CDRT4: variants seen among roughly 807,000 people sequenced by gnomAD.
CDRT4 encodes CMT1A duplicated region transcript 4 protein.
For synonymous variants in CDRT4, 64 were observed against 69.6 expected, an observed-to-expected ratio of 0.92 and a Z score of 0.40; for missense variants, 167 against 193.1, an observed-to-expected ratio of 0.87 and a Z score of 0.80.
chr17:15,460,153 C>T (rs1488939606), intron 1 of CDRT4, among the ~76,000 whole-genome samples: 1 of 152,186 alleles, frequency 6.6e-6, no homozygotes, highest in Non-Finnish European at 1.5e-5. Flanking sequence ...CCTCAACCTA[C>T]CTCATTCAAA....
intron 3 of CDRT4, chr17:15,439,048 A>G (rs1004032089): frequency 6.2e-5 from 28 of 452,732 alleles, no homozygotes; most frequent in African/African-American, 4.4e-4. Flanking sequence ...CTGTTCCTTT[A>G]CAGATCCAAA....
chr17:15,466,167 G>A (rs557868799), intron 1 of CDRT4, among the ~76,000 whole-genome samples: 9 of 152,342 alleles, frequency 5.9e-5, no homozygotes, highest in African/African-American at 1.7e-4. Context: ...ACAAGTGACA[G>A]AGTCTGGATT....
At chr17:15,448,827 G>A (rs1211624142) in intron 2 of CDRT4, among the ~76,000 whole-genome samples, 6 of 152,088 alleles carry the variant, frequency 3.9e-5, no homozygotes, top group African/African-American at 1.4e-4. Flanking sequence ...GACAACTTGA[G>A]CCCCAGGCAC....
intron 1 of CDRT4, among the ~76,000 whole-genome samples, chr17:15,462,221 G>T (rs1979783828): frequency 1.3e-5 from 2 of 152,046 alleles, no homozygotes; most frequent in African/African-American, 2.4e-5. Context: ...GAGGTCAGGA[G>T]ATCGAGACCA....
At chr17:15,448,299 T>A (rs1280046655) in intron 2 of CDRT4, among the ~76,000 whole-genome samples, 1 of 152,186 alleles carries the variant, frequency 6.6e-6, no homozygotes, top group East Asian at 1.9e-4. Flanking sequence ...TCCCAGCCCA[T>A]AGCATGACCA....
chr17:15,437,813 C>G lies in CDRT4; in HGVS notation c.419G>C (p.Arg140Pro). 1.2e-6 allele frequency: 2 copies of G among 1,614,128 alleles called. No homozygotes were observed. The highest frequency in any genetic ancestry group is 1.7e-6 in the Non-Finnish European group (2 of 1,180,020). The change falls in exon 4 of 4, where the codon CGC (arginine) becomes CCC (proline). Residue 140 changes from arginine (R) to proline (P), a missense_variant. Coordinates refer to ENST00000619038, the MANE Select transcript of CDRT4 (RefSeq NM_001204477.2). ...TENYNKIIFA[R>P]KPMMRMLPTV... Reference sequence around the variant, plus strand: ...AGGGAGCATCCTCATCATAGGCTTGCGGGCAAAGATGATCTTGTTATAGTT... The same window carrying G: ...AGGGAGCATCCTCATCATAGGCTTGGGGGCAAAGATGATCTTGTTATAGTT...
intron 3 of CDRT4, 36 bp downstream of exon 3, chr17:15,440,172 T>C (rs1378405113): frequency 1.9e-6 from 3 of 1,613,070 alleles, no homozygotes; most frequent in South Asian, 1.1e-5. Context: ...ACGGCCCCAG[T>C]GCAGGAGCTT....
rs1978516320 is a variant in CDRT4, at chr17:15,436,919, G to C, written c.*854C>G. 6.6e-6 allele frequency: 1 copy of C among 152,192 alleles called. No individual in the cohort carries two copies. Among genetic ancestry groups the C allele is most frequent in the African/African-American group, 2.4e-5 (1 of 41,440 alleles). The allele number at this position is 152,192 out of a possible 1,614,324, so 9.4% of individuals were successfully genotyped here. A position where few individuals can be genotyped will look rare whatever the true frequency, so the allele number is the denominator to read the frequency against. On this transcript the variant is annotated 3_prime_UTR_variant, in exon 4 of 4. Coordinates refer to ENST00000619038, the MANE Select transcript of CDRT4 (RefSeq NM_001204477.2). ...TAGGCTCAGCCCCCAGGGGGAGCTA[G>C]AAGGAATCTGCTAGGCTAAAGGAGG... is the stretch of plus-strand genomic sequence containing the variant.
intron 2 of CDRT4, among the ~76,000 whole-genome samples, chr17:15,443,100 A>AT (rs1978845217): frequency 6.6e-6 from 1 of 151,824 alleles, no homozygotes; most frequent in Non-Finnish European, 1.5e-5. Context: ...TCATCCCACC[A>AT]TTTTCAGAAT....
chr17:15,447,063 C>G (rs1262936130), intron 2 of CDRT4, among the ~76,000 whole-genome samples: 1 of 152,134 alleles, frequency 6.6e-6, no homozygotes, highest in Non-Finnish European at 1.5e-5. Context: ...TGGGATCTAC[C>G]CTTCTCAATG....
At chr17:15,451,049 A>G (rs1979236180) in intron 2 of CDRT4, among the ~76,000 whole-genome samples, 1 of 152,056 alleles carries the variant, frequency 6.6e-6, no homozygotes, top group Non-Finnish European at 1.5e-5. Flanking sequence ...CTATGTCCCC[A>G]CCCAAATCTC....
intron 2 of CDRT4, among the ~76,000 whole-genome samples, chr17:15,445,040 A>G (rs1048216723): frequency 6.6e-6 from 1 of 152,218 alleles, no homozygotes. Flanking sequence ...ACCATCTTGC[A>G]AAAGGATTTT....
At chr17:15,466,912 C>A (rs980323655) in intron 1 of CDRT4, among the ~76,000 whole-genome samples, 1 of 152,108 alleles carries the variant, frequency 6.6e-6, no homozygotes, top group African/African-American at 2.4e-5. Context: ...CTCTTAGTCA[C>A]CTTTGTCCCT....
At chr17:15,444,013 C>A in intron 2 of CDRT4, 1 of 789,826 alleles carries the variant, frequency 1.3e-6, no homozygotes, top group Non-Finnish European at 2.2e-6. Context: ...TGGATGAGAC[C>A]AAGTGTTGCC....
At chr17:15,444,385 T>G (rs1267599653) in intron 2 of CDRT4, among the ~76,000 whole-genome samples, 1 of 152,068 alleles carries the variant, frequency 6.6e-6, no homozygotes, top group East Asian at 1.9e-4. Flanking sequence ...AAAATACAAA[T>G]GTAGGTGCCC....
At chr17:15,465,012 A>AAC (rs771259251) in intron 1 of CDRT4, among the ~76,000 whole-genome samples, 1 of 148,072 alleles carries the variant, frequency 6.8e-6, no homozygotes, top group Non-Finnish European at 1.5e-5. Context: ...AGACACACAC[A>AAC]ACACAGACAC....
At chr17:15,440,412 G>T in intron 2 of CDRT4, 127 bp from the exon 3 acceptor site, 1 of 1,061,730 alleles carries the variant, frequency 9.4e-7, no homozygotes, top group Non-Finnish European at 1.4e-6. Flanking sequence ...TCCACCCCCT[G>T]AGAAGAGGAC....
intron 1 of CDRT4, among the ~76,000 whole-genome samples, chr17:15,465,118 C>CA (rs1261369133): frequency 1.5e-5 from 2 of 136,492 alleles, no homozygotes; most frequent in African/African-American, 3.0e-5. Context: ...AACACACAGA[C>CA]ACACCAACAC....
intron 2 of CDRT4, among the ~76,000 whole-genome samples, chr17:15,451,399 CCTT>C (rs1246210594): frequency 3.9e-5 from 6 of 152,184 alleles, no homozygotes; most frequent in Admixed American, 1.3e-4. Context: ...CCCTACAACT[CCTT>C]CTCCAAAGAG....
Sources: allele counts gnomAD v4.1 joint callset (sites outside exome capture counted in the v4.1 genomes callset), GRCh38; gene constraint gnomAD v4.1.1; transcripts MANE v1.5; gene names NCBI Gene and HGNC (gene_info 2026-07-23, HGNC 2026-07-21).